AJAP1: variants seen among roughly 807,000 people sequenced by gnomAD.
The protein encoded by AJAP1 is adherens junction-associated protein 1.
Under a neutral mutation model 35.0 loss-of-function variants are expected in AJAP1, and 5 were observed. That is an observed-to-expected ratio of 0.14 (90% CI 0.07 to 0.30). The LOEUF is 0.30. AJAP1 is among the 10% of genes least tolerant of loss of function. The pLI is 1.00. For missense variants in AJAP1, 586 were observed against 571.0 expected (o/e 1.03, Z -0.27); for synonymous variants, 284 against 249.3 (o/e 1.14, Z -1.31).
intron 1 of AJAP1, among the ~76,000 whole-genome samples, chr1:4,662,080 G>A (rs555100303): frequency 6.6e-6 from 1 of 151,984 alleles, no homozygotes; most frequent in Admixed American, 6.5e-5. Context: ...GTGTGTGTGT[G>A]CATTTTTTTT....
At chr1:4,759,071 C>CTGT (rs1641506404) in intron 2 of AJAP1, among the ~76,000 whole-genome samples, 1 of 152,230 alleles carries the variant, frequency 6.6e-6, no homozygotes. Context: ...GTGACTGTTT[C>CTGT]TGTCTGCAGC....
At chr1:4,672,347 C>T (rs1639268532) in intron 1 of AJAP1, among the ~76,000 whole-genome samples, 1 of 152,222 alleles carries the variant, frequency 6.6e-6, no homozygotes, top group African/African-American at 2.4e-5. Flanking sequence ...TACGGAGACA[C>T]AGCCAGGTAC....
rs141390632 is a variant in AJAP1, at chr1:4,778,571, A to ATCTCTCTCTC, written c.*60-3940_*60-3931dup. ...TCATTCAAGGTGCAGGATTGGCGCC[A>ATCTCTCTCTC]TCTCTCTCTCTCTCTCTCTCTCTCT... On this transcript the variant is annotated intron_variant, in intron 5 of 5. Transcript: ENST00000378191. Among the ~76,000 whole-genome samples, 232 of 142,860 alleles carry ATCTCTCTCTC rather than the reference A, an allele frequency of 1.6e-3. 2 individuals carry two copies. Among genetic ancestry groups the ATCTCTCTCTC allele is most frequent in the Middle Eastern group, 3.8e-3 (1 of 266 alleles). 93.7% of individuals were successfully genotyped at this position (142,860 alleles called of 152,430 possible). A position where few individuals can be genotyped will look rare whatever the true frequency, so the allele number is the denominator to read the frequency against.
chr1:4,776,728 TG>T (rs1316574695), intron 5 of AJAP1, among the ~76,000 whole-genome samples: 1 of 152,088 alleles, frequency 6.6e-6, no homozygotes, highest in African/African-American at 2.4e-5. Flanking sequence ...GCAAGAGACA[TG>T]GGCGCCCCCA....
At chr1:4,690,350 C>T (rs969304951) in intron 1 of AJAP1, among the ~76,000 whole-genome samples, 2 of 152,182 alleles carry the variant, frequency 1.3e-5, no homozygotes, top group Admixed American at 6.5e-5. Flanking sequence ...AGCCCTTCCC[C>T]ACTTTCAGCT....
chr1:4,752,201 AGAG>A (rs1417257835), intron 2 of AJAP1, among the ~76,000 whole-genome samples: 3 of 147,494 alleles, frequency 2.0e-5, no homozygotes, highest in African/African-American at 5.0e-5. Flanking sequence ...AGGAGGAGGG[AGAG>A]GAGGAGGAGG....
intron 2 of AJAP1, among the ~76,000 whole-genome samples, chr1:4,742,229 C>G (rs1426433565): frequency 6.6e-6 from 1 of 152,150 alleles, no homozygotes; most frequent in Non-Finnish European, 1.5e-5. Context: ...CCTAGTGATC[C>G]AAGTCACCCC....
At chr1:4,717,597 C>A (rs961037917) in intron 2 of AJAP1, among the ~76,000 whole-genome samples, 64 of 152,302 alleles carry the variant, frequency 4.2e-4, no homozygotes, top group African/African-American at 1.4e-3. Context: ...TCCAAGTTTG[C>A]TTTGTCCTTG....
Position 4,712,568 on chromosome 1 carries a change from C to A in AJAP1, c.698C>A (p.Thr233Asn), listed in dbSNP as rs770257604. The A allele has an allele frequency of 8.7e-6, 14 of 1,611,500 alleles. No homozygotes were observed. Among genetic ancestry groups the A allele is most frequent in the Non-Finnish European group, 9.3e-6 (11 of 1,178,884 alleles). ...ACGGCCACCCCCATGACGCTGCAGA[C>A]TAAGGGGTTCACCGAGTCCTTGGAT... ...TTTATPMTLQ[T>N]KGFTESLDPR... Residue 233 changes from threonine to asparagine, a missense_variant, in exon 2 of 6, where the codon ACT becomes AAT. Transcript: ENST00000378191.
intron 2 of AJAP1, among the ~76,000 whole-genome samples, chr1:4,732,480 A>T (rs1640822204): frequency 6.6e-6 from 1 of 152,214 alleles, no homozygotes; most frequent in African/African-American, 2.4e-5. Flanking sequence ...CCCCTCCCTC[A>T]CATGGCCTGC....
At chr1:4,694,861 G>A (rs898290579) in intron 1 of AJAP1, among the ~76,000 whole-genome samples, 1 of 152,226 alleles carries the variant, frequency 6.6e-6, no homozygotes, top group Non-Finnish European at 1.5e-5. Context: ...TGCAGGAAGG[G>A]AGGTCATGGT....
chr1:4,711,683 C>A, intron 1 of AJAP1, among the ~76,000 whole-genome samples: 1 of 152,216 alleles, frequency 6.6e-6, no homozygotes, highest in Non-Finnish European at 1.5e-5. Flanking sequence ...GGAAGCAGCT[C>A]CCCGCACCCT....
chr1:4,711,030 GC>G (rs1436039762), intron 1 of AJAP1: 1 of 152,290 alleles, frequency 6.6e-6, no homozygotes, highest in African/African-American at 2.4e-5. Context: ...CCTCCGGGGA[GC>G]TGAGGAGGTG....
chr1:4,668,334 GT>G (rs1639181242), intron 1 of AJAP1, among the ~76,000 whole-genome samples: 1 of 149,012 alleles, frequency 6.7e-6, no homozygotes, highest in East Asian at 1.9e-4. Flanking sequence ...GTGTGTGTGT[GT>G]GCGTGTGCGT....
intron 2 of AJAP1, among the ~76,000 whole-genome samples, chr1:4,716,416 C>T (rs528710047): frequency 6.6e-6 from 1 of 152,184 alleles, no homozygotes; most frequent in Non-Finnish European, 1.5e-5. Context: ...TTCAGTGAGA[C>T]AGAGTGTGCC....
intron 1 of AJAP1, among the ~76,000 whole-genome samples, chr1:4,666,063 G>A (rs367714115): frequency 4.4e-4 from 67 of 152,176 alleles, no homozygotes; most frequent in African/African-American, 1.2e-3. Flanking sequence ...GAGGCACCCC[G>A]CAGTGAAATA....
Position 4,791,849 on chromosome 1 carries a change from G to T in AJAP1, c.*9364G>T, listed in dbSNP as rs1015259310. 1 of 151,520 alleles carries T rather than the reference G, an allele frequency of 6.6e-6. No individual in the cohort carries two copies. Among genetic ancestry groups the T allele is most frequent in the African/African-American group, 2.4e-5 (1 of 41,086 alleles). 9.4% of individuals were successfully genotyped at this position (151,520 alleles called of 1,614,324 possible). The stretch of plus-strand genomic sequence containing the variant: ...TTCAAATAACCCTTGAATTCACCAG[G>T]TCTCATTGCATTTATTTAAAGATGG... On this transcript the variant is annotated 3_prime_UTR_variant, in exon 6 of 6. Coordinates refer to ENST00000378191, the MANE Select transcript of AJAP1 (RefSeq NM_018836.4).
Position 4,772,468 on chromosome 1 carries a change from C to CT in AJAP1, c.1106_1107insT (p.Asp370ArgfsTer2). On this transcript the variant is annotated frameshift_variant, in exon 4 of 6. Transcript: ENST00000378191. LOFTEE classifies it high-confidence loss of function. ...GTCAGGGCATCTGTGCCCGTGTACACCGATGAGACGCTGCACTCGACGACG... is the reference window on the plus strand; with the variant it reads ...GTCAGGGCATCTGTGCCCGTGTACACTCGATGAGACGCTGCACTCGACGACG... The CT allele has an allele frequency of 6.2e-7, 1 of 1,614,234 alleles. No individual in the cohort carries two copies. The highest frequency in any genetic ancestry group is 8.5e-7 in the Non-Finnish European group (1 of 1,180,050).
chr1:4,686,234 A>G (rs1639601405), intron 1 of AJAP1, among the ~76,000 whole-genome samples: 2 of 152,208 alleles, frequency 1.3e-5, no homozygotes, highest in Admixed American at 1.3e-4. Flanking sequence ...TGGTGCAGTC[A>G]TCACAAATTA....
Sources: allele counts gnomAD v4.1 joint callset (sites outside exome capture counted in the v4.1 genomes callset), GRCh38; gene constraint gnomAD v4.1.1; transcripts MANE v1.5; gene names NCBI Gene and HGNC (gene_info 2026-07-23, HGNC 2026-07-21).